The following NUDT12 variants were observed in gnomAD, a reference collection of about 807,000 sequenced individuals.
The protein encoded by NUDT12 is nudix hydrolase 12, also known as NAD-capped RNA hydrolase NUDT12.
Under a neutral mutation model 45.7 loss-of-function variants are expected in NUDT12, and 42 were observed. The observed-to-expected ratio is 0.92, with a 90% confidence interval of 0.72 to 1.19. NUDT12 has a LOEUF of 1.19. Among genes scored for constraint, NUDT12 ranks in the 50% most tolerant of loss-of-function variants. The probability of loss-of-function intolerance (pLI) is 0.00; values close to 1 mark genes in which losing one functional copy is unlikely to be tolerated. For synonymous variants in NUDT12, 206 were observed against 179.7 expected (o/e 1.15, Z -1.17); for missense variants, 590 against 533.1 (o/e 1.11, Z -1.05).
At chr5:103,561,060 CTTT>C (rs75956704) in intron 1 of NUDT12, among the ~76,000 whole-genome samples, 2 of 133,378 alleles carry the variant, frequency 1.5e-5, no homozygotes, top group Non-Finnish European at 3.3e-5. Context: ...CTTTTTTTGT[CTTT>C]TTTTTTTTTT....
At chr5:103,559,559 A>C in intron 2 of NUDT12, 91 bp from the exon 3 acceptor site, 1 of 622,790 alleles carries the variant, frequency 1.6e-6, no homozygotes, top group Non-Finnish European at 2.5e-6. Flanking sequence ...TTCCAGATAC[A>C]TATTAAAGTC....
Position 103,550,970 on chromosome 5 carries a change from AC to A in NUDT12, c.1279del (p.Val427SerfsTer5). On this transcript the variant is annotated frameshift_variant and splice_region_variant, in exon 7 of 7. Transcript: ENST00000230792. LOFTEE classifies it high-confidence loss of function. ...CTTCCCTTTGGTCAGAACATCCAGG[AC>A]CTAAAACACACCATAATAGAATGCA... ...EDARWFTREQ[V>X]LDVLTKGKQQ... 6.2e-7 allele frequency: 1 copy of A among 1,609,136 alleles called. No homozygotes were observed. Among genetic ancestry groups the A allele is most frequent in the Non-Finnish European group, 8.5e-7 (1 of 1,175,680 alleles).
chr5:103,561,442 C>G (rs1749029580), intron 1 of NUDT12, among the ~76,000 whole-genome samples: 1 of 152,122 alleles, frequency 6.6e-6, no homozygotes, highest in African/African-American at 2.4e-5. Context: ...GTTAAAACTG[C>G]TCACAGTCAT....
intron 6 of NUDT12, 117 bp from the exon 7 acceptor site, chr5:103,551,088 T>C (rs1748642110): frequency 2.8e-6 from 2 of 706,562 alleles, no homozygotes; most frequent in African/African-American, 3.6e-5. Flanking sequence ...ATAACAACAG[T>C]AGAAAGTGAC....
chr5:103,553,478 A>G (rs902073972), intron 5 of NUDT12, among the ~76,000 whole-genome samples: 3 of 152,098 alleles, frequency 2.0e-5, no homozygotes, highest in African/African-American at 7.2e-5. Flanking sequence ...TGAAAATCCT[A>G]ACTTGGTGAA....
chr5:103,555,890 C>A, intron 4 of NUDT12, 41 bp downstream of exon 4: 2 of 1,393,584 alleles, frequency 1.4e-6, no homozygotes, highest in Non-Finnish European at 1.9e-6. Context: ...TATCTTATTC[C>A]CCAAGATCCA....
intron 3 of NUDT12, among the ~76,000 whole-genome samples, chr5:103,558,124 A>G (rs149339659): frequency 2.4e-4 from 37 of 152,170 alleles, no homozygotes; most frequent in African/African-American, 8.9e-4. Context: ...CCAATTCAAT[A>G]GCAAAGACCA....
intron 3 of NUDT12, among the ~76,000 whole-genome samples, chr5:103,557,802 A>T (rs537840044): frequency 6.6e-6 from 1 of 151,730 alleles, no homozygotes; most frequent in Non-Finnish European, 1.5e-5. Context: ...TTCAGGTCTT[A>T]TTCTGAGTTT....
Position 103,559,074 on chromosome 5 carries a change from C to T in NUDT12, c.601G>A (p.Val201Ile). ...AGTTTGTCTTTTATTTCAAGTTCTA[C>T]TCCAAGAAAAATCAAGGTGATCTTC... ...PEKITLIFLGVELEIKDKLLN... is the reference protein window; with the variant it reads ...PEKITLIFLGIELEIKDKLLN... Residue 201 changes from valine (V) to isoleucine (I), a missense_variant, in exon 3 of 7, where the codon GTA becomes ATA. Transcript: ENST00000230792. The T allele has an allele frequency of 1.2e-6, 2 of 1,613,098 alleles. No individual in the cohort carries two copies. The highest frequency in any genetic ancestry group is 2.2e-5 in the East Asian group (1 of 44,842).
intron 2 of NUDT12, chr5:103,559,716 A>C: frequency 2.2e-6 from 1 of 453,236 alleles, no homozygotes; most frequent in East Asian, 3.5e-5. Context: ...ATAAAACAGT[A>C]TTAAGCTTTA....
In NUDT12 at chr5:103,554,773, T is replaced by G. The variant is rs766535567; in HGVS notation, c.1045A>C (p.Met349Leu). The G allele has an allele frequency of 6.5e-7, 1 of 1,547,866 alleles. No homozygotes were observed. The highest frequency in any genetic ancestry group is 8.8e-7 in the Non-Finnish European group (1 of 1,140,914). ...LGRQKRFPPG[M>L]FTCLAGFIEP... ...ATAAATCCAGCAAGGCAAGTAAACATGCCTGGGGGAAATCTTTTCTGCCTG... is the reference window on the plus strand; with the variant it reads ...ATAAATCCAGCAAGGCAAGTAAACAGGCCTGGGGGAAATCTTTTCTGCCTG... The change falls in exon 5 of 7, where the codon ATG becomes CTG. Residue 349 changes from methionine to leucine, a missense_variant. Met to Leu is a conservative substitution (Grantham distance 15). Coordinates refer to ENST00000230792, the MANE Select transcript of NUDT12 (RefSeq NM_031438.4).
intron 3 of NUDT12, among the ~76,000 whole-genome samples, 161 bp downstream of exon 3, chr5:103,558,718 G>A (rs1748911333): frequency 6.6e-6 from 1 of 152,138 alleles, no homozygotes; most frequent in Non-Finnish European, 1.5e-5. Flanking sequence ...GCCCAGGAGA[G>A]TAGTCCCCTA....
chr5:103,560,776 A>G (rs938605965), intron 1 of NUDT12, among the ~76,000 whole-genome samples: 4 of 152,224 alleles, frequency 2.6e-5, no homozygotes, highest in African/African-American at 9.6e-5. Flanking sequence ...TGCATAATCC[A>G]TATTACTCCG....
intron 1 of NUDT12, among the ~76,000 whole-genome samples, chr5:103,561,110 C>A (rs1295903527): frequency 6.6e-6 from 1 of 150,434 alleles, no homozygotes; most frequent in Admixed American, 6.7e-5. Context: ...CATGATTCAA[C>A]TGTCTGTGAA....
chr5:103,558,521 C>A (rs1748906019), intron 3 of NUDT12, among the ~76,000 whole-genome samples: 2 of 152,046 alleles, frequency 1.3e-5, no homozygotes, highest in Non-Finnish European at 2.9e-5. Flanking sequence ...TAGAATCAAA[C>A]CCCAATTTCT....
chr5:103,549,797 G>A lies in NUDT12; in HGVS notation c.*1064C>T, dbSNP rs1175508561. ...ATGTGACTTTCTATGTTGCAAAATT[G>A]TGAACTACTATGTTTTGCTTTCTCT... On this transcript the variant is annotated 3_prime_UTR_variant, in exon 7 of 7. Coordinates refer to ENST00000230792, the MANE Select transcript of NUDT12 (RefSeq NM_031438.4). 6.6e-6 allele frequency: 1 copy of A among 152,066 alleles called. No homozygotes were observed. Among genetic ancestry groups the A allele is most frequent in the Non-Finnish European group, 1.5e-5 (1 of 67,984 alleles). 9.4% of individuals were successfully genotyped at this position (152,066 alleles called of 1,614,324 possible).
In NUDT12 at chr5:103,550,834, AT is replaced by A. The variant is rs747536252; in HGVS notation, c.*26del. The A allele has an allele frequency of 2.4e-5, 35 of 1,464,098 alleles. No individual in the cohort carries two copies. The highest frequency in any genetic ancestry group is 3.3e-5 in the Non-Finnish European group (34 of 1,044,144). The allele number at this position is 1,464,098 out of a possible 1,614,324, so 90.7% of individuals were successfully genotyped here. A position where few individuals can be genotyped will look rare whatever the true frequency, so the allele number is the denominator to read the frequency against. The stretch of plus-strand genomic sequence containing the variant: ...AATGAGTGTTATTAGAAATTATTAA[AT>A]AATACTCAAAGCTTAGTTCTTAGAT... On this transcript the variant is annotated 3_prime_UTR_variant, in exon 7 of 7. Coordinates refer to ENST00000230792, the MANE Select transcript of NUDT12 (RefSeq NM_031438.4).
Position 103,552,361 on chromosome 5 carries a change from T to G in NUDT12, c.1134A>C (p.Lys378Asn). The change falls in exon 6 of 7, where the codon AAA (lysine) becomes AAC (asparagine). Residue 378 changes from lysine (K) to asparagine (N), a missense_variant. Physicochemically the swap from Lys to Asn is moderately conservative, Grantham distance 94 (BLOSUM62 0). Transcript: ENST00000230792. ...RREVEEESGV[K>N]VGHVQYVACQ... ...AAGCAACATACTGAACATGGCCAAC[T>G]TTGACTCCACTTTCCTCTTCTACTT... 6.2e-7 allele frequency: 1 copy of G among 1,613,942 alleles called. No individual in the cohort carries two copies. Among genetic ancestry groups the G allele is most frequent in the Non-Finnish European group, 8.5e-7 (1 of 1,179,902 alleles).
At chr5:103,561,251 T>A (rs1047744742) in intron 1 of NUDT12, among the ~76,000 whole-genome samples, 2 of 152,124 alleles carry the variant, frequency 1.3e-5, no homozygotes, top group Non-Finnish European at 2.9e-5. Flanking sequence ...GACAGAAAGG[T>A]TATAGCCCAT....
Sources: allele counts gnomAD v4.1 joint callset (sites outside exome capture counted in the v4.1 genomes callset), GRCh38; gene constraint gnomAD v4.1.1; transcripts MANE v1.5; gene names NCBI Gene and HGNC (gene_info 2026-07-23, HGNC 2026-07-21).